Variants in HBP1 observed in about 807,000 individuals in gnomAD.
The protein encoded by HBP1 is HMG box-containing protein 1.
In HBP1, 20 loss-of-function variants were observed where a neutral mutation model predicts 62.6. That is an observed-to-expected ratio of 0.32 (90% CI 0.22 to 0.46). HBP1 has a LOEUF of 0.46. Ranked by LOEUF, HBP1 falls within the 20% of genes least tolerant of loss-of-function variation. The probability of loss-of-function intolerance (pLI) is 1.00; values close to 1 mark genes in which losing one functional copy is unlikely to be tolerated. For synonymous variants in HBP1, 232 were observed against 206.2 expected (o/e 1.12, Z -1.07); for missense variants, 480 against 611.8 (o/e 0.78, Z 2.27).
intron 1 of HBP1, among the ~76,000 whole-genome samples, chr7:107,171,759 C>G (rs1273993009): frequency 4.7e-5 from 7 of 150,126 alleles, no homozygotes; most frequent in Non-Finnish European, 8.9e-5. Flanking sequence ...GCTTGGGAGG[C>G]TGAGGCAAGG....
chr7:107,170,699 T>C (rs893768263), intron 1 of HBP1, among the ~76,000 whole-genome samples: 3 of 152,056 alleles, frequency 2.0e-5, no homozygotes, highest in Non-Finnish European at 2.9e-5. Flanking sequence ...ACTTTCTAGT[T>C]TCATCTTAGT....
chr7:107,177,344 T>C (rs940366487), intron 1 of HBP1, among the ~76,000 whole-genome samples: 4 of 152,148 alleles, frequency 2.6e-5, no homozygotes, highest in African/African-American at 9.7e-5. Context: ...TAGTAGCAAA[T>C]TGTATAGTCA....
chr7:107,192,143 G>A (rs1013714533), intron 8 of HBP1, among the ~76,000 whole-genome samples: 1 of 151,836 alleles, frequency 6.6e-6, no homozygotes, highest in African/African-American at 2.4e-5. Flanking sequence ...GAGCAGTCAC[G>A]TAGGTTTCTT....
Position 107,201,582 on chromosome 7 carries a change from G to C in HBP1, c.*151G>C, listed in dbSNP as rs1271746494. ...GAGTCTTGAAATGATTTAATAATAT[G>C]AGTGAGGATTTGCTTTCTCCATTAG... On this transcript the variant is annotated 3_prime_UTR_variant, in exon 11 of 11. Transcript: ENST00000222574. The C allele has an allele frequency of 1.9e-5, 9 of 464,162 alleles. No homozygotes were observed. The highest frequency in any genetic ancestry group is 2.4e-5 in the Non-Finnish European group (6 of 252,576). 28.8% of individuals were successfully genotyped at this position (464,162 alleles called of 1,614,324 possible).
intron 1 of HBP1, among the ~76,000 whole-genome samples, chr7:107,179,406 A>G (rs1021949901): frequency 4.6e-5 from 7 of 152,222 alleles, no homozygotes; most frequent in African/African-American, 1.7e-4. Flanking sequence ...GTTGTAGGCC[A>G]AGATGTTAAG....
Position 107,186,287 on chromosome 7 carries a change from C to G in HBP1, c.541-74C>G, listed in dbSNP as rs1276496363. ...CCACCTATAAGCATGGGCCTAAAGA[C>G]GTGGGATGAAAACAGATATTAAAAG... On this transcript the variant is annotated intron_variant, in intron 4 of 10. Transcript: ENST00000222574. 5.7e-6 allele frequency: 5 copies of G among 877,492 alleles called. No individual in the cohort carries two copies. In the South Asian group the frequency reaches 6.4e-5, roughly 11 times the overall value. 54.4% of individuals were successfully genotyped at this position (877,492 alleles called of 1,614,324 possible). A position where few individuals can be genotyped will look rare whatever the true frequency, so the allele number is the denominator to read the frequency against.
chr7:107,176,510 T>C (rs1796859357), intron 1 of HBP1, among the ~76,000 whole-genome samples: 1 of 152,194 alleles, frequency 6.6e-6, no homozygotes, highest in African/African-American at 2.4e-5. Context: ...AGTAGGAATT[T>C]AGCAACCATT....
At chr7:107,183,968 C>A (rs1194503699) in intron 3 of HBP1, among the ~76,000 whole-genome samples, 1 of 152,136 alleles carries the variant, frequency 6.6e-6, no homozygotes, top group Non-Finnish European at 1.5e-5. Flanking sequence ...TATATTACCC[C>A]TGAATAGAGA....
intron 1 of HBP1, among the ~76,000 whole-genome samples, chr7:107,173,784 AATAG>A (rs1796713889): frequency 2.0e-5 from 3 of 152,234 alleles, no homozygotes; most frequent in Admixed American, 2.0e-4. Flanking sequence ...ACTTCTGGAA[AATAG>A]ATACTGAGAA....
At chr7:107,182,847 T>A (rs917392866) in intron 3 of HBP1, among the ~76,000 whole-genome samples, 11 of 152,284 alleles carry the variant, frequency 7.2e-5, no homozygotes, top group African/African-American at 2.4e-4. Flanking sequence ...TTAAAATAAA[T>A]TAGACCATGA....
chr7:107,195,043 GTTT>G lies in HBP1; in HGVS notation c.1068-787_1068-785del, dbSNP rs531978603. On this transcript the variant is annotated intron_variant, in intron 8 of 10. Transcript: ENST00000222574. Reference sequence around the variant, plus strand: ...CTGGGCATTTTAAGTTCCTTTATTTGTTTTTTATTTTTTTTGAGACGGAGTCTC... The same window carrying G: ...CTGGGCATTTTAAGTTCCTTTATTTGTTTATTTTTTTTGAGACGGAGTCTC... 3.3e-3 allele frequency among the ~76,000 whole-genome samples: 500 copies of G among 152,228 alleles called. 2 individuals are homozygous for G. The highest frequency in any genetic ancestry group is 0.014 in the Middle Eastern group (4 of 294).
Position 107,171,073 on chromosome 7 carries a change from A to ATATATATATATTTTTTTT in HBP1, c.-16+1889_-16+1890insATATATATATTTTTTTTT. ...TATATATATATATATATATATATATATTTTTTTTTTTTTTTGAGAGGGAGT... is the reference window on the plus strand; with the variant it reads ...TATATATATATATATATATATATATATATATATATATTTTTTTTTTTTTTTTTTTTTTTGAGAGGGAGT... On this transcript the variant is annotated intron_variant, in intron 1 of 10. Transcript: ENST00000222574. Among the ~76,000 whole-genome samples, 16 of 87,198 alleles carry ATATATATATATTTTTTTT rather than the reference A, an allele frequency of 1.8e-4. 1 individual carries two copies. Among genetic ancestry groups the ATATATATATATTTTTTTT allele is most frequent in the African/African-American group, 9.3e-4 (14 of 15,122 alleles). The allele number at this position is 87,198 out of a possible 152,430, so 57.2% of individuals were successfully genotyped here.
At position 107,171,073 on chromosome 7, in the gene HBP1, A is replaced by ATATATTTTTTTTT; in HGVS notation, c.-16+1889_-16+1890insATATTTTTTTTTT. Among the ~76,000 whole-genome samples the ATATATTTTTTTTT allele has an allele frequency of 3.2e-4, 28 of 87,200 alleles. 2 individuals are homozygous for ATATATTTTTTTTT. The highest frequency in any genetic ancestry group is 9.9e-4 in the African/African-American group (15 of 15,124). The allele number at this position is 87,200 out of a possible 152,430, so 57.2% of individuals were successfully genotyped here. A position where few individuals can be genotyped will look rare whatever the true frequency, so the allele number is the denominator to read the frequency against. On this transcript the variant is annotated intron_variant, in intron 1 of 10. Transcript: ENST00000222574. ...TATATATATATATATATATATATAT[A>ATATATTTTTTTTT]TTTTTTTTTTTTTTTGAGAGGGAGT...
intron 1 of HBP1, among the ~76,000 whole-genome samples, chr7:107,179,178 A>C (rs1584480591): frequency 6.6e-6 from 1 of 152,180 alleles, no homozygotes; most frequent in East Asian, 1.9e-4. Context: ...AGTTTTTTTT[A>C]ACTTTTATTA....
chr7:107,200,091 T>C (rs1798158310), intron 9 of HBP1, 69 bp from the exon 10 acceptor site: 11 of 1,247,116 alleles, frequency 8.8e-6, no homozygotes, highest in Non-Finnish European at 8.8e-6. Context: ...TCTCCTGAAG[T>C]AGCAGCACTT....
At chr7:107,199,196 G>T (rs1164746749) in intron 9 of HBP1, among the ~76,000 whole-genome samples, 1 of 152,046 alleles carries the variant, frequency 6.6e-6, no homozygotes, top group African/African-American at 2.4e-5. Context: ...GGCGATTCTA[G>T]TGCCTCAGCC....
At chr7:107,170,378 G>T (rs558204406) in intron 1 of HBP1, among the ~76,000 whole-genome samples, 1 of 151,978 alleles carries the variant, frequency 6.6e-6, no homozygotes, top group Non-Finnish European at 1.5e-5. Context: ...TACTTTTCTG[G>T]TCATTTAACA....
intron 2 of HBP1, 85 bp from the exon 3 acceptor site, chr7:107,182,288 A>C (rs762680646): frequency 9.9e-6 from 7 of 709,244 alleles, no homozygotes; most frequent in Non-Finnish European, 1.8e-5. Context: ...GCTAAAATTG[A>C]GGACTTCTCT....
At chr7:107,174,468 A>G (rs1796743010) in intron 1 of HBP1, 1 of 985,292 alleles carries the variant, frequency 1.0e-6, no homozygotes, top group Non-Finnish European at 1.2e-6. Flanking sequence ...ATGGTGGTTG[A>G]TAACTAAGAC....
Sources: allele counts gnomAD v4.1 joint callset (sites outside exome capture counted in the v4.1 genomes callset), GRCh38; gene constraint gnomAD v4.1.1; transcripts MANE v1.5; gene names NCBI Gene and HGNC (gene_info 2026-07-23, HGNC 2026-07-21).